Variants in ADGRG6 observed in about 807,000 individuals in gnomAD.
ADGRG6 encodes adhesion G protein-coupled receptor G6.
Under a neutral mutation model 142.4 loss-of-function variants are expected in ADGRG6, and 84 were observed. The observed-to-expected ratio is 0.59, with a 90% CI of 0.49 to 0.71. ADGRG6 has a LOEUF of 0.71. Among genes scored for constraint, ADGRG6 ranks in the 30% least tolerant of loss-of-function variants. The pLI, the probability that ADGRG6 is intolerant of heterozygous loss-of-function variation, is 0.00. For synonymous variants in ADGRG6, 521 were observed against 520.5 expected (o/e 1.00, Z -0.01); for missense variants, 1,367 against 1,466.6 (o/e 0.93, Z 1.11).
rs1775775254 is a variant in ADGRG6 at position 142,405,794 on chromosome 6, A to G, written c.2234A>G (p.Gln745Arg). The G allele has an allele frequency of 1.2e-6, 2 of 1,605,362 alleles. No homozygotes were observed. Among genetic ancestry groups the G allele is most frequent in the South Asian group, 1.1e-5 (1 of 89,358 alleles). Residue 745 changes from glutamine (Q) to arginine (R), a missense_variant, in exon 15 of 25, where the codon CAG (glutamine) becomes CGG (arginine). By Grantham distance (43) the Gln-to-Arg change is conservative. Coordinates refer to ENST00000367609, the MANE Select transcript of ADGRG6 (RefSeq NM_198569.3). Reference protein sequence around the residue: ...PEDSVLVRRAQFTFFNKTGLF... With the variant: ...PEDSVLVRRARFTFFNKTGLF... ...GATTCTGTATTAGTTAGAAGAGCAC[A>G]GTTTACTTTCTTCAACAAAACTGGA...
chr6:142,441,924 C>T (rs1234980745), intron 24 of ADGRG6, among the ~76,000 whole-genome samples: 1 of 152,146 alleles, frequency 6.6e-6, no homozygotes, highest in Non-Finnish European at 1.5e-5. Flanking sequence ...CTCGTTCTCT[C>T]CATGAACCAT....
In ADGRG6 at chr6:142,393,884, T is replaced by C. The variant is rs1236172707; in HGVS notation, c.1362-12T>C. The C allele has an allele frequency of 1.3e-6, 2 of 1,513,054 alleles. No homozygotes were observed. Among genetic ancestry groups the C allele is most frequent in the African/African-American group, 1.4e-5 (1 of 72,514 alleles). The allele number at this position is 1,513,054 out of a possible 1,614,324, so 93.7% of individuals were successfully genotyped here. The stretch of plus-strand genomic sequence containing the variant: ...GAGGTGGATTAATGAATATATGTAT[T>C]TGTGTTTTTAGTTTTCACCTGAGTG... On this transcript the variant is annotated splice_polypyrimidine_tract_variant and intron_variant, in intron 8 of 24. Coordinates refer to ENST00000367609, the MANE Select transcript of ADGRG6 (RefSeq NM_198569.3).
intron 2 of ADGRG6, among the ~76,000 whole-genome samples, chr6:142,326,488 T>C (rs921530035): frequency 2.0e-5 from 3 of 151,714 alleles, no homozygotes; most frequent in African/African-American, 7.2e-5. Context: ...TATACAATAG[T>C]GATCGTGAGT....
intron 6 of ADGRG6, among the ~76,000 whole-genome samples, chr6:142,389,854 G>C (rs1407759617): frequency 6.6e-6 from 1 of 151,808 alleles, no homozygotes; most frequent in Non-Finnish European, 1.5e-5. Flanking sequence ...TCTCATTCAA[G>C]TTTTCACATC....
rs1739455737 is a variant in ADGRG6 at position 142,302,078 on chromosome 6, C to G, written c.-252C>G. Reference sequence around the variant, plus strand: ...TCTCGCCCTCACCCTGCCAACTTCCCTGCGAGGAGGGACCTGCCGCCAGCC... The same window carrying G: ...TCTCGCCCTCACCCTGCCAACTTCCGTGCGAGGAGGGACCTGCCGCCAGCC... On this transcript the variant is annotated 5_prime_UTR_variant, in exon 1 of 25. Coordinates refer to ENST00000367609, the MANE Select transcript of ADGRG6 (RefSeq NM_198569.3). 3 of 534,658 alleles carry G rather than the reference C, an allele frequency of 5.6e-6. No homozygotes were observed. Among genetic ancestry groups the G allele is most frequent in the Non-Finnish European group, 9.8e-6 (3 of 304,752 alleles). 33.1% of individuals were successfully genotyped at this position (534,658 alleles called of 1,614,324 possible).
At chr6:142,324,701 A>C (rs1778676098) in intron 2 of ADGRG6, among the ~76,000 whole-genome samples, 1 of 152,142 alleles carries the variant, frequency 6.6e-6, no homozygotes, top group South Asian at 2.1e-4. Flanking sequence ...CTGAATCTCC[A>C]GTTTTCCTCC....
chr6:142,393,372 A>G (rs1225146768), intron 8 of ADGRG6, among the ~76,000 whole-genome samples: 1 of 152,028 alleles, frequency 6.6e-6, no homozygotes, highest in African/African-American at 2.4e-5. Flanking sequence ...TTTTTTCCAG[A>G]TCTAATTTCG....
intron 9 of ADGRG6, 33 bp downstream of exon 9, chr6:142,393,991 A>G (rs1364557579): frequency 4.5e-6 from 6 of 1,332,610 alleles, no homozygotes; most frequent in South Asian, 2.5e-5. Context: ...AGAGTATAAC[A>G]TTCTTTCTCT....
intron 5 of ADGRG6, 57 bp from the exon 6 acceptor site, chr6:142,383,703 C>A: frequency 1.2e-6 from 1 of 809,194 alleles, no homozygotes; most frequent in Non-Finnish European, 2.1e-6. Context: ...ATTGCTTATC[C>A]AAATTAACTG....
chr6:142,402,933 T>A, intron 13 of ADGRG6, 103 bp downstream of exon 13: 1 of 625,834 alleles, frequency 1.6e-6, no homozygotes, highest in Non-Finnish European at 2.7e-6. Context: ...AGAATTCAAA[T>A]CTCTGCAAGA....
At chr6:142,380,019 T>A (rs756836259) in intron 4 of ADGRG6, among the ~76,000 whole-genome samples, 16 of 152,070 alleles carry the variant, frequency 1.1e-4, no homozygotes, top group Admixed American at 4.6e-4. Flanking sequence ...GTGGGACAAC[T>A]CAAAGTAGTG....
chr6:142,414,394 C>T (rs1186116512), intron 18 of ADGRG6, among the ~76,000 whole-genome samples: 2 of 152,166 alleles, frequency 1.3e-5, no homozygotes, highest in Admixed American at 1.3e-4. Flanking sequence ...TTAATGGCAT[C>T]TCAGTTATGA....
intron 2 of ADGRG6, among the ~76,000 whole-genome samples, chr6:142,333,943 C>T (rs1240278122): frequency 6.6e-6 from 1 of 152,124 alleles, no homozygotes; most frequent in African/African-American, 2.4e-5. Flanking sequence ...ACTGTCATTG[C>T]TCTTAATTCA....
chr6:142,419,650 A>G (rs1470577006), intron 21 of ADGRG6, among the ~76,000 whole-genome samples, 171 bp from the exon 22 acceptor site: 1 of 152,124 alleles, frequency 6.6e-6, no homozygotes, highest in African/African-American at 2.4e-5. Flanking sequence ...CAAATGAACA[A>G]AAGACCTATG....
chr6:142,314,452 C>T (rs540156931), intron 2 of ADGRG6, among the ~76,000 whole-genome samples: 10 of 152,224 alleles, frequency 6.6e-5, no homozygotes, highest in South Asian at 4.2e-4. Context: ...AATATTTAGA[C>T]GAGGCACACC....
At chr6:142,314,852 A>C (rs908182544) in intron 2 of ADGRG6, among the ~76,000 whole-genome samples, 42 of 152,274 alleles carry the variant, frequency 2.8e-4, no homozygotes, top group African/African-American at 9.6e-4. Flanking sequence ...GTCCAAAGAT[A>C]AACCTAGCTG....
At chr6:142,408,104 A>C in intron 15 of ADGRG6, 46 bp from the exon 16 acceptor site, 1 of 1,447,354 alleles carries the variant, frequency 6.9e-7, no homozygotes, top group Non-Finnish European at 9.3e-7. Flanking sequence ...AAGTAAAATA[A>C]AAGTGTACTT....
intron 2 of ADGRG6, among the ~76,000 whole-genome samples, chr6:142,312,663 TCAAGAATGTGTA>T (rs1777826480): frequency 2.0e-5 from 3 of 152,028 alleles, no homozygotes; most frequent in African/African-American, 7.2e-5. Context: ...CATAAAAAAA[TCAAGAATGTGTA>T]CATTGGTGTA....
At position 142,383,933 on chromosome 6, in the gene ADGRG6, G is replaced by A. The variant is rs41289839; in HGVS notation, c.1222+90G>A. ...GAAATATGTATTATTCCAACAAAGTGTCTGTTACTGGAGTCAATTGGTACA... is the reference window on the plus strand; with the variant it reads ...GAAATATGTATTATTCCAACAAAGTATCTGTTACTGGAGTCAATTGGTACA... On this transcript the variant is annotated intron_variant, in intron 6 of 24. Transcript: ENST00000367609. 0.09 allele frequency: 62,318 copies of A among 696,002 alleles called. 3,505 individuals carry two copies. The highest frequency in any genetic ancestry group is 0.24 in the East Asian group (9,126 of 38,704). 43.1% of individuals were successfully genotyped at this position (696,002 alleles called of 1,614,324 possible). A position where few individuals can be genotyped will look rare whatever the true frequency, so the allele number is the denominator to read the frequency against.
Sources: allele counts gnomAD v4.1 joint callset (sites outside exome capture counted in the v4.1 genomes callset), GRCh38; gene constraint gnomAD v4.1.1; transcripts MANE v1.5; gene names NCBI Gene and HGNC (gene_info 2026-07-23, HGNC 2026-07-21).